Variants in A4GALT observed in about 807,000 individuals in gnomAD.
A4GALT encodes the protein lactosylceramide 4-alpha-galactosyltransferase.
For synonymous variants in A4GALT, 257 were observed against 220.7 expected, an observed-to-expected ratio of 1.16 and a Z score of -1.46; for missense variants, 512 against 486.0, an observed-to-expected ratio of 1.05 and a Z score of -0.50.
intron 1 of A4GALT, among the ~76,000 whole-genome samples, chr22:42,718,034 G>C (rs2143919): frequency 0.5 from 75,446 of 152,006 alleles, 20,328 homozygotes; most frequent in East Asian, 0.82. Context: ...CAGGAAAGAT[G>C]TGGCCATGTA....
intron 1 of A4GALT, among the ~76,000 whole-genome samples, chr22:42,713,436 G>A (rs1043468551): frequency 2.0e-5 from 3 of 152,228 alleles, no homozygotes; most frequent in Non-Finnish European, 4.4e-5. Context: ...CAAGGTCAGG[G>A]AATATGTACA....
chr22:42,693,512 CGCAGGTCCAGCGGGA>C lies in A4GALT; in HGVS notation c.425_439del (p.Leu142_Leu146del). The C allele has an allele frequency of 6.2e-7, 1 of 1,613,192 alleles. No individual in the cohort carries two copies. The highest frequency in any genetic ancestry group is 8.5e-7 in the Non-Finnish European group (1 of 1,179,974). ...CAGGGGTGTGTCCCGGAACAGCTCC[CGCAGGTCCAGCGGGA>C]GCATCTGGACATTCGGGAAGCAGCT... On this transcript the variant is annotated inframe_deletion, in exon 3 of 3. Transcript: ENST00000642412.
chr22:42,706,225 G>C (rs1410886192), intron 1 of A4GALT, among the ~76,000 whole-genome samples: 1 of 146,836 alleles, frequency 6.8e-6, no homozygotes, highest in Non-Finnish European at 1.5e-5. Flanking sequence ...CGTGGTGGCG[G>C]GCACCTATAG....
intron 1 of A4GALT, among the ~76,000 whole-genome samples, chr22:42,715,216 A>G (rs1265076034): frequency 1.3e-5 from 2 of 152,120 alleles, no homozygotes; most frequent in Non-Finnish European, 2.9e-5. Context: ...ATAAATTCCA[A>G]GGCAACATTG....
At chr22:42,708,859 A>C (rs1384009975) in intron 1 of A4GALT, among the ~76,000 whole-genome samples, 1 of 151,112 alleles carries the variant, frequency 6.6e-6, no homozygotes, top group African/African-American at 2.4e-5. Flanking sequence ...ATAATAAATC[A>C]AATGGATCCC....
rs1172557254 is a variant in A4GALT at position 42,692,648 on chromosome 22, G to A, written c.*242C>T. On this transcript the variant is annotated 3_prime_UTR_variant, in exon 3 of 3. Coordinates refer to ENST00000642412, the MANE Select transcript of A4GALT (RefSeq NM_017436.7). The surrounding 1 kb of genome is among the most constrained non-coding windows in gnomAD (Gnocchi z 4.6). ...CCTGCCTGTTGTCTAGAAGGCCCGGGGCACTCACTGAGCGCCCTCCGCTGG... is the reference window on the plus strand; with the variant it reads ...CCTGCCTGTTGTCTAGAAGGCCCGGAGCACTCACTGAGCGCCCTCCGCTGG... 1.7e-5 allele frequency: 11 copies of A among 663,086 alleles called. No individual in the cohort carries two copies. Among genetic ancestry groups the A allele is most frequent in the South Asian group, 1.7e-4 (11 of 66,448 alleles). The allele number at this position is 663,086 out of a possible 1,614,324, so 41.1% of individuals were successfully genotyped here.
intron 1 of A4GALT, among the ~76,000 whole-genome samples, chr22:42,696,121 C>CAGAAAAAAAAAAA (rs1930909773): frequency 7.4e-5 from 4 of 53,910 alleles, no homozygotes. Context: ...GACTCTATCT[C>CAGAAAAAAAAAAA]AAAAAAAAAA....
chr22:42,708,297 G>T (rs2147015390), intron 1 of A4GALT, among the ~76,000 whole-genome samples: 1 of 152,148 alleles, frequency 6.6e-6, no homozygotes, highest in Middle Eastern at 3.4e-3. Context: ...TGAGGCAGGA[G>T]AACCCAGGAG....
chr22:42,702,068 C>T (rs80130148), intron 1 of A4GALT, among the ~76,000 whole-genome samples: 9 of 152,316 alleles, frequency 5.9e-5, no homozygotes, highest in African/African-American at 2.2e-4. Flanking sequence ...TCCCTCCCCT[C>T]TTTCTCTCCC....
At chr22:42,709,811 A>G (rs2147022889) in intron 1 of A4GALT, among the ~76,000 whole-genome samples, 1 of 152,228 alleles carries the variant, frequency 6.6e-6, no homozygotes, top group Admixed American at 6.5e-5. Context: ...AAAATAAAAA[A>G]ATGGGGGTGA....
At chr22:42,705,185 T>G (rs1920981122) in intron 1 of A4GALT, among the ~76,000 whole-genome samples, 1 of 152,112 alleles carries the variant, frequency 6.6e-6, no homozygotes, top group Non-Finnish European at 1.5e-5. Flanking sequence ...CTCCTGTTAA[T>G]TGCCACTCCA....
intron 1 of A4GALT, among the ~76,000 whole-genome samples, chr22:42,703,253 GTTTT>G (rs1224692766): frequency 1.8e-5 from 2 of 110,286 alleles, no homozygotes; most frequent in Non-Finnish European, 3.7e-5. Context: ...TTGTTTGTTT[GTTTT>G]TGTTTTTTTT....
intron 1 of A4GALT, among the ~76,000 whole-genome samples, chr22:42,720,503 G>A (rs1201740892): frequency 6.6e-6 from 1 of 152,158 alleles, no homozygotes; most frequent in Non-Finnish European, 1.5e-5. Flanking sequence ...ACCGGGTGGG[G>A]CTGCCCTCGA....
chr22:42,693,844 G>A lies in A4GALT; in HGVS notation c.108C>T (p.Ile36=), dbSNP rs1305850026. Residue 36 remains isoleucine (I), a synonymous_variant, in exon 3 of 3, where the codon ATC becomes ATT. Coordinates refer to ENST00000642412, the MANE Select transcript of A4GALT (RefSeq NM_017436.7). ...CTCCCACAACGTGCCAGTAGATCAT[G>A]ATGGAGACGAAAAACGTGAACTTGA... ...IGFKFTFFVS[I]MIYWHVVGEP... is the part of the protein sequence containing the mutation. The A allele has an allele frequency of 1.2e-6, 2 of 1,609,886 alleles. No homozygotes were observed. The highest frequency in any genetic ancestry group is 1.7e-6 in the Non-Finnish European group (2 of 1,178,500).
chr22:42,706,078 G>A lies in A4GALT; in HGVS notation c.-187-10447C>T, dbSNP rs182144191. ...AAAAAAAAAAAAAAAAAAGTTGGCC[G>A]GGTGCGGTGGCTCACGCCTGTAATC... On this transcript the variant is annotated intron_variant, in intron 1 of 2. Transcript: ENST00000642412. 8.1e-3 allele frequency among the ~76,000 whole-genome samples: 871 copies of A among 107,678 alleles called. 91 individuals carry two copies. The highest frequency in any genetic ancestry group is 0.024 in the African/African-American group (781 of 32,976). 70.6% of individuals were successfully genotyped at this position (107,678 alleles called of 152,430 possible). A position where few individuals can be genotyped will look rare whatever the true frequency, so the allele number is the denominator to read the frequency against.
chr22:42,706,347 T>A, intron 1 of A4GALT, among the ~76,000 whole-genome samples: 1 of 70,932 alleles, frequency 1.4e-5, no homozygotes, highest in South Asian at 5.3e-4. Context: ...AGAGCGAGAC[T>A]CCATCCCAAA....
chr22:42,700,357 T>TG (rs989072922), intron 1 of A4GALT, among the ~76,000 whole-genome samples: 1 of 152,206 alleles, frequency 6.6e-6, no homozygotes, highest in African/African-American at 2.4e-5. Context: ...CTCATGTTCT[T>TG]GGGGTCTCAA....
intron 1 of A4GALT, among the ~76,000 whole-genome samples, chr22:42,714,020 A>G (rs1229296219): frequency 6.7e-6 from 1 of 149,190 alleles, no homozygotes; most frequent in Non-Finnish European, 1.5e-5. Context: ...GGCCAGGCAC[A>G]GTGGCGCATG....
chr22:42,719,825 G>T (rs1427575264), intron 1 of A4GALT, among the ~76,000 whole-genome samples: 1 of 152,198 alleles, frequency 6.6e-6, no homozygotes, highest in African/African-American at 2.4e-5. Context: ...TGAGTGCAGG[G>T]TACGTGACCC....
Sources: gnomAD v4.1 joint callset for allele counts (sites outside exome capture counted in the v4.1 genomes callset) on GRCh38, gnomAD v4.1.1 for gene constraint, Gnocchi (gnomAD v3.1) non-coding constraint, MANE v1.5 for transcripts, NCBI Gene and HGNC (gene_info 2026-07-23, HGNC 2026-07-21) for gene names.